GATC: variants seen among roughly 807,000 people sequenced by gnomAD.
The protein encoded by GATC is glutamyl-tRNA(Gln) amidotransferase subunit C, mitochondrial.
GATC carries 11 observed loss-of-function variants against 14.4 expected under a neutral mutation model. The observed-to-expected ratio is 0.77, with a 90% CI of 0.48 to 1.27. The LOEUF (loss-of-function observed/expected upper bound fraction) is 1.27. GATC is among the 50% of genes most tolerant of loss of function. GATC has a pLI of 0.00. For missense variants in GATC, 204 were observed against 183.0 expected, an observed-to-expected ratio of 1.11 and a Z score of -0.66; for synonymous variants, 76 against 79.3, an observed-to-expected ratio of 0.96 and a Z score of 0.22.
intron 2 of GATC, among the ~76,000 whole-genome samples, chr12:120,449,907 T>C (rs573281976): frequency 2.8e-4 from 42 of 152,000 alleles, no homozygotes; most frequent in African/African-American, 1.0e-3. Context: ...GGATTACAGG[T>C]GCACGCCACC....
At chr12:120,450,774 A>G (rs1450128745) in intron 2 of GATC, 1 of 152,332 alleles carries the variant, frequency 6.6e-6, no homozygotes, top group Admixed American at 6.6e-5. Context: ...CATAATGGCC[A>G]TTCTTCTCAC....
intron 2 of GATC, among the ~76,000 whole-genome samples, chr12:120,452,216 A>G (rs1878070623): frequency 6.6e-6 from 1 of 152,022 alleles, no homozygotes; most frequent in Admixed American, 6.6e-5. Context: ...TGGAAGGTCA[A>G]TACAAGTTAT....
Position 120,446,679 on chromosome 12 carries a change from C to T in GATC, c.104C>T (p.Ala35Val), listed in dbSNP as rs1302400469. The T allele has an allele frequency of 1.2e-6, 2 of 1,612,636 alleles. No homozygotes were observed. Among genetic ancestry groups the T allele is most frequent in the East Asian group, 2.2e-5 (1 of 44,886 alleles). Reference protein sequence around the residue: ...DPQGSGRITAAVIEHLERLAL... With the variant: ...DPQGSGRITAVVIEHLERLAL... Reference sequence around the variant, plus strand: ...CAGGGCAGTGGCCGGATCACGGCTGCGGTGATCGAGCACCTGGAGCGTCTA... The same window carrying T: ...CAGGGCAGTGGCCGGATCACGGCTGTGGTGATCGAGCACCTGGAGCGTCTA... Residue 35 changes from alanine (A) to valine (V), a missense_variant, in exon 2 of 4, where the codon GCG becomes GTG. Ala to Val is a moderately conservative substitution (Grantham distance 64). Coordinates refer to ENST00000551765, the MANE Select transcript of GATC (RefSeq NM_176818.3).
At chr12:120,454,874 C>G (rs768903102) in intron 2 of GATC, 1 of 228,900 alleles carries the variant, frequency 4.4e-6, no homozygotes, top group Non-Finnish European at 9.5e-6. Context: ...AAAAAAAAAT[C>G]TAGTACAACT....
Position 120,461,907 on chromosome 12 carries a change from A to G in GATC, c.*1948A>G. The G allele has an allele frequency of 8.4e-7, 1 of 1,188,776 alleles. No homozygotes were observed. Among genetic ancestry groups the G allele is most frequent in the Non-Finnish European group, 1.1e-6 (1 of 909,030 alleles). The allele number at this position is 1,188,776 out of a possible 1,614,324, so 73.6% of individuals were successfully genotyped here. A position where few individuals can be genotyped will look rare whatever the true frequency, so the allele number is the denominator to read the frequency against. Reference sequence around the variant, plus strand: ...TAGTTTTTTTTCTTCTTTAAAAAAAAAAAATTAAAAAAATTTCCTAAGACA... The same window carrying G: ...TAGTTTTTTTTCTTCTTTAAAAAAAGAAAATTAAAAAAATTTCCTAAGACA... On this transcript the variant is annotated 3_prime_UTR_variant, in exon 4 of 4. Transcript: ENST00000551765.
chr12:120,446,564 A>C lies in GATC; in HGVS notation c.81+3A>C, dbSNP rs1317686267. ...TCACCTCCAAGGCGGATCCTCAGGT[A>C]AAGGCCAGGGCCATCTAGGCGGGTG... On this transcript the variant is annotated splice_donor_region_variant and intron_variant, in intron 1 of 3. Transcript: ENST00000551765. 4 of 1,598,848 alleles carry C rather than the reference A, an allele frequency of 2.5e-6. No individual in the cohort carries two copies. Among genetic ancestry groups the C allele is most frequent in the Non-Finnish European group, 3.4e-6 (4 of 1,173,124 alleles).
chr12:120,456,403 C>G (rs1878185075), intron 2 of GATC, among the ~76,000 whole-genome samples: 1 of 152,164 alleles, frequency 6.6e-6, no homozygotes, highest in Non-Finnish European at 1.5e-5. Flanking sequence ...TTAGGTGTAT[C>G]AGATTGGGCT....
chr12:120,447,989 G>C (rs1438712579), intron 2 of GATC, among the ~76,000 whole-genome samples: 3 of 152,094 alleles, frequency 2.0e-5, no homozygotes, highest in Non-Finnish European at 4.4e-5. Flanking sequence ...CCTGAGCAAA[G>C]GTGATCCACC....
At chr12:120,453,327 T>C (rs1878099667) in intron 2 of GATC, among the ~76,000 whole-genome samples, 1 of 152,194 alleles carries the variant, frequency 6.6e-6, no homozygotes, top group Non-Finnish European at 1.5e-5. Context: ...AGTTTACAAC[T>C]GAAGTCTTTC....
rs1878156966 is a variant in GATC, at chr12:120,455,410, CCA to C, written c.255-1664_255-1663del. 2.6e-5 allele frequency among the ~76,000 whole-genome samples: 4 copies of C among 152,160 alleles called. No individual in the cohort carries two copies. In the South Asian group the frequency reaches 8.3e-4, roughly 32 times the overall value. ...TCTTGAACTCCTGAATTCAGGTGAT[CCA>C]CCCGCCTTAGCCTTCCAAAGTGCTG... On this transcript the variant is annotated intron_variant, in intron 2 of 3. Coordinates refer to ENST00000551765, the MANE Select transcript of GATC (RefSeq NM_176818.3).
chr12:120,449,950 CAG>C (rs1163808879), intron 2 of GATC, among the ~76,000 whole-genome samples: 5 of 151,440 alleles, frequency 3.3e-5, no homozygotes, highest in African/African-American at 1.2e-4. Context: ...TTAGTAGAGA[CAG>C]GGTTTCTCCA....
intron 2 of GATC, among the ~76,000 whole-genome samples, chr12:120,456,105 A>G (rs533041624): frequency 6.6e-6 from 1 of 152,294 alleles, no homozygotes; most frequent in East Asian, 1.9e-4. Context: ...TCAAAGCAGG[A>G]GGAGCGTGGC....
At chr12:120,452,547 G>A (rs2137040992) in intron 2 of GATC, among the ~76,000 whole-genome samples, 1 of 152,124 alleles carries the variant, frequency 6.6e-6, no homozygotes, top group African/African-American at 2.4e-5. Context: ...GTACCCCTAT[G>A]GCCAGCTAAT....
Position 120,461,972 on chromosome 12 carries a change from C to T in GATC, c.*2013C>T, listed in dbSNP as rs146381618. 7.9e-5 allele frequency: 122 copies of T among 1,537,264 alleles called. No homozygotes were observed. In the East Asian group the frequency reaches 2.7e-3, roughly 35 times the overall value. On this transcript the variant is annotated 3_prime_UTR_variant, in exon 4 of 4. Transcript: ENST00000551765. ...TGGAATGTAGATTCTGAGCACAAAG[C>T]AGCTCAGTTAACCTAAAAAATAAAG...
chr12:120,448,837 G>T (rs1418520596), intron 2 of GATC, among the ~76,000 whole-genome samples: 1 of 150,460 alleles, frequency 6.6e-6, no homozygotes, highest in African/African-American at 2.5e-5. Context: ...ATAGAGACGG[G>T]GTTTCACCAT....
At chr12:120,453,493 C>T (rs1360821034) in intron 2 of GATC, among the ~76,000 whole-genome samples, 1 of 152,124 alleles carries the variant, frequency 6.6e-6, no homozygotes, top group Non-Finnish European at 1.5e-5. Context: ...TGTAGGCTAA[C>T]TTATCTTACA....
At chr12:120,459,544 C>T (rs1448862324) in intron 3 of GATC, among the ~76,000 whole-genome samples, 4 of 152,196 alleles carry the variant, frequency 2.6e-5, no homozygotes, top group East Asian at 3.9e-4. Flanking sequence ...GCCAGCTGGG[C>T]GGCAGGCTCA....
intron 2 of GATC, among the ~76,000 whole-genome samples, chr12:120,447,967 C>A (rs1236639136): frequency 6.6e-6 from 1 of 152,070 alleles, no homozygotes; most frequent in African/African-American, 2.4e-5. Context: ...GTTCCCCAGG[C>A]TTGTCTGGAC....
rs746119347 is a variant in GATC at position 120,457,174 on chromosome 12, C to A, written c.353C>A (p.Pro118His). Residue 118 changes from proline to histidine, a missense_variant, in exon 3 of 4, where the codon CCC becomes CAC. Physicochemically the swap from Pro to His is moderately conservative, Grantham distance 77 (BLOSUM62 -2). Coordinates refer to ENST00000551765, the MANE Select transcript of GATC (RefSeq NM_176818.3). Reference sequence around the variant, plus strand: ...GTCGTGGAGGAGTACTTTGTGGCCCCCCCAGGTACGTGCTGCCCAGAATGG... The same window carrying A: ...GTCGTGGAGGAGTACTTTGTGGCCCACCCAGGTACGTGCTGCCCAGAATGG... ...HRVVEEYFVA[P>H]PGNISLPKLD... 7 of 1,610,006 alleles carry A rather than the reference C, an allele frequency of 4.3e-6. No homozygotes were observed. Among genetic ancestry groups the A allele is most frequent in the Non-Finnish European group, 5.9e-6 (7 of 1,177,052 alleles).
Sources: gnomAD v4.1 joint callset for allele counts (sites outside exome capture counted in the v4.1 genomes callset) on GRCh38, gnomAD v4.1.1 for gene constraint, MANE v1.5 for transcripts, NCBI Gene and HGNC (gene_info 2026-07-23, HGNC 2026-07-21) for gene names.